SLAIN2: variants seen among roughly 807,000 people sequenced by gnomAD.
SLAIN2 encodes SLAIN motif-containing protein 2.
Under a neutral mutation model 56.6 loss-of-function variants are expected in SLAIN2, and 31 were observed. The observed-to-expected ratio is 0.55, with a 90% confidence interval of 0.41 to 0.74. The LOEUF is 0.74. SLAIN2 is among the 30% of genes least tolerant of loss of function. The pLI is 0.00. For synonymous variants in SLAIN2, 317 were observed against 284.9 expected (o/e 1.11, Z -1.13); for missense variants, 777 against 754.2 (o/e 1.03, Z -0.35).
At chr4:48,384,618 G>A (rs1276859596) in intron 6 of SLAIN2, among the ~76,000 whole-genome samples, 1 of 152,194 alleles carries the variant, frequency 6.6e-6, no homozygotes, top group African/African-American at 2.4e-5. Context: ...TAGAAGTATA[G>A]TAGAAAGAAC....
intron 6 of SLAIN2, among the ~76,000 whole-genome samples, chr4:48,387,765 T>TG (rs1716137305): frequency 6.6e-6 from 1 of 152,038 alleles, no homozygotes; most frequent in African/African-American, 2.4e-5. Flanking sequence ...GTGTTACCAA[T>TG]TTATCTTGAA....
chr4:48,390,266 A>T (rs576446763), intron 6 of SLAIN2, among the ~76,000 whole-genome samples: 2 of 151,772 alleles, frequency 1.3e-5, no homozygotes, highest in African/African-American at 4.8e-5. Flanking sequence ...TTTAGTAGAG[A>T]TGGAGTTTCA....
chr4:48,370,613 C>A (rs1202270994), intron 2 of SLAIN2, among the ~76,000 whole-genome samples: 1 of 152,152 alleles, frequency 6.6e-6, no homozygotes, highest in African/African-American at 2.4e-5. Context: ...CTTTTATGCT[C>A]TTTTGTTTAA....
chr4:48,362,727 A>C (rs1401170820), intron 1 of SLAIN2, among the ~76,000 whole-genome samples: 2 of 95,330 alleles, frequency 2.1e-5, no homozygotes, highest in East Asian at 6.0e-4. Flanking sequence ...CTGGTTTTTA[A>C]ATTTCTTTTT....
At chr4:48,385,056 T>A (rs115602409) in intron 6 of SLAIN2, among the ~76,000 whole-genome samples, 166 of 152,258 alleles carry the variant, frequency 1.1e-3, no homozygotes, top group African/African-American at 3.8e-3. Context: ...GACTGTTGAA[T>A]TAAGGAAACA....
At chr4:48,354,079 T>C (rs139857244) in intron 1 of SLAIN2, among the ~76,000 whole-genome samples, 1 of 152,162 alleles carries the variant, frequency 6.6e-6, no homozygotes, top group Non-Finnish European at 1.5e-5. Context: ...CAGAAAATTA[T>C]GTATGTCCAA....
At chr4:48,379,971 C>A in intron 4 of SLAIN2, 123 bp downstream of exon 4, 2 of 877,602 alleles carry the variant, frequency 2.3e-6, no homozygotes, top group Non-Finnish European at 1.6e-6. Flanking sequence ...TTGCAGTGGA[C>A]ATTTCAGAGA....
chr4:48,382,778 C>T lies in SLAIN2; in HGVS notation c.1073C>T (p.Pro358Leu). 4 of 1,613,666 alleles carry T rather than the reference C, an allele frequency of 2.5e-6. No individual in the cohort carries two copies. The highest frequency in any genetic ancestry group is 3.4e-6 in the Non-Finnish European group (4 of 1,179,840). Residue 358 changes from proline to leucine, a missense_variant, in exon 5 of 8, where the codon CCC becomes CTC. Physicochemically the swap from Pro to Leu is moderately conservative, Grantham distance 98 (BLOSUM62 -3). Coordinates refer to ENST00000264313, the MANE Select transcript of SLAIN2 (RefSeq NM_020846.2). ...CCTCGACCGTCACCTAAGCAGTCAC[C>T]CAGAAATTCACCTCGTTCACGATCT... ...NSPRPSPKQS[P>L]RNSPRSRSPA...
At chr4:48,365,285 ATGGT>A (rs1171450325) in intron 1 of SLAIN2, among the ~76,000 whole-genome samples, 1 of 151,640 alleles carries the variant, frequency 6.6e-6, no homozygotes, top group African/African-American at 2.4e-5. Context: ...CCTGGCCAAC[ATGGT>A]GAAACTCCGT....
At chr4:48,390,345 C>G (rs1716208230) in intron 6 of SLAIN2, among the ~76,000 whole-genome samples, 1 of 152,032 alleles carries the variant, frequency 6.6e-6, no homozygotes, top group African/African-American at 2.4e-5. Context: ...TCCCAAATGA[C>G]TCTAAATCAA....
chr4:48,422,190 C>A lies in SLAIN2; in HGVS notation c.*113C>A. ...ATAAGACTCTTGGGATTTATAAAAT[C>A]CCAGCCCTCTCTGTCTTAATTAGCA... is the stretch of plus-strand genomic sequence containing the variant. On this transcript the variant is annotated 3_prime_UTR_variant, in exon 8 of 8. Transcript: ENST00000264313. The A allele has an allele frequency of 1.3e-6, 1 of 783,738 alleles. No homozygotes were observed. The highest frequency in any genetic ancestry group is 1.7e-5 in the African/African-American group (1 of 57,278). The allele number at this position is 783,738 out of a possible 1,614,324, so 48.5% of individuals were successfully genotyped here.
chr4:48,400,128 G>A (rs1214837087), intron 6 of SLAIN2, among the ~76,000 whole-genome samples: 1 of 152,042 alleles, frequency 6.6e-6, no homozygotes. Flanking sequence ...AATCTGTCTG[G>A]TATTGGGCTT....
At chr4:48,420,480 G>A (rs1717119890) in intron 7 of SLAIN2, 37 bp downstream of exon 7, 7 of 1,603,242 alleles carry the variant, frequency 4.4e-6, no homozygotes, top group Non-Finnish European at 3.4e-6. Flanking sequence ...ATTCTTGAGT[G>A]CCTGAAAGTG....
chr4:48,364,079 C>A (rs1162376415), intron 1 of SLAIN2, among the ~76,000 whole-genome samples: 1 of 75,644 alleles, frequency 1.3e-5, no homozygotes, highest in East Asian at 4.1e-4. Context: ...ACTTCTCAGA[C>A]GGGGCAGCTG....
At chr4:48,419,979 C>T in intron 6 of SLAIN2, 146 bp from the exon 7 acceptor site, 1 of 776,186 alleles carries the variant, frequency 1.3e-6, no homozygotes, top group South Asian at 1.9e-5. Context: ...TTTTAGTAGC[C>T]CAGGAATAGC....
At chr4:48,363,568 GGCTGAA>G (rs1715397659) in intron 1 of SLAIN2, among the ~76,000 whole-genome samples, 1 of 101,082 alleles carries the variant, frequency 9.9e-6, no homozygotes, top group Non-Finnish European at 2.2e-5. Flanking sequence ...CCGGGCGGAG[GGCTGAA>G]CCCCCCACCT....
chr4:48,396,405 A>C (rs183794068), intron 6 of SLAIN2, among the ~76,000 whole-genome samples: 1 of 152,262 alleles, frequency 6.6e-6, no homozygotes, highest in East Asian at 1.9e-4. Flanking sequence ...TTCTCTGTAA[A>C]TTTTTAACCA....
intron 4 of SLAIN2, among the ~76,000 whole-genome samples, chr4:48,380,575 A>C (rs1217675543): frequency 2.0e-5 from 3 of 152,198 alleles, no homozygotes; most frequent in Non-Finnish European, 2.9e-5. Flanking sequence ...ACATATGCAC[A>C]AAATTTTTAA....
intron 1 of SLAIN2, among the ~76,000 whole-genome samples, chr4:48,354,069 C>T (rs756809506): frequency 5.3e-5 from 8 of 151,778 alleles, no homozygotes; most frequent in Admixed American, 6.6e-5. Context: ...TTAGAACTAT[C>T]AGAAAATTAT....
Sources: allele counts gnomAD v4.1 joint callset (sites outside exome capture counted in the v4.1 genomes callset), GRCh38; gene constraint gnomAD v4.1.1; transcripts MANE v1.5; gene names NCBI Gene and HGNC (gene_info 2026-07-23, HGNC 2026-07-21).